Variants in IPCEF1 observed in about 807,000 individuals in gnomAD.
The protein encoded by IPCEF1 is interaction protein for cytohesin exchange factors 1, also known as interactor protein for cytohesin exchange factors 1.
IPCEF1 carries 31 observed loss-of-function variants against 50.9 expected under a neutral mutation model. The ratio of observed to expected loss-of-function variants is 0.61; its 90% CI spans 0.46 to 0.82. IPCEF1 has a LOEUF of 0.82. IPCEF1 is among the 40% of genes least tolerant of loss of function. The pLI is 0.00. For missense variants in IPCEF1, 458 were observed against 514.0 expected, an observed-to-expected ratio of 0.89 and a Z score of 1.05; for synonymous variants, 181 against 192.0, an observed-to-expected ratio of 0.94 and a Z score of 0.47.
At chr6:154,273,730 T>C (rs1562575019) in intron 2 of IPCEF1, among the ~76,000 whole-genome samples, 21 of 42,260 alleles carry the variant, frequency 5.0e-4, no homozygotes, top group African/African-American at 2.4e-3. Context: ...CTTTCTTTTT[T>C]TTTTTTTTTT....
intron 9 of IPCEF1, among the ~76,000 whole-genome samples, chr6:154,211,896 G>A (rs984290145): frequency 6.6e-6 from 1 of 152,076 alleles, no homozygotes; most frequent in African/African-American, 2.4e-5. Flanking sequence ...AGGAGGAGGA[G>A]GAAGCAGCTA....
chr6:154,233,456 C>A (rs914435152), intron 5 of IPCEF1, among the ~76,000 whole-genome samples: 4 of 151,906 alleles, frequency 2.6e-5, no homozygotes, highest in African/African-American at 9.7e-5. Flanking sequence ...CTAACATTAC[C>A]CTATGAATAT....
intron 2 of IPCEF1, among the ~76,000 whole-genome samples, chr6:154,281,184 CAAAAAAAA>C (rs35597942): frequency 9.0e-4 from 53 of 59,160 alleles, no homozygotes; most frequent in African/African-American, 2.1e-3. Context: ...TACTAAAATA[CAAAAAAAA>C]AAAAAAAAAA....
intron 9 of IPCEF1, among the ~76,000 whole-genome samples, chr6:154,202,473 A>C (rs9397695): frequency 0.77 from 116,516 of 152,156 alleles, 45,524 homozygotes; most frequent in East Asian, 0.94. Context: ...TCCATTCTGG[A>C]CCAGTCCTGA....
In IPCEF1 at chr6:154,167,954, A is replaced by C. The variant is rs571414957; in HGVS notation, c.1070T>G (p.Leu357Arg). The change falls in exon 11 of 12, where the codon CTC becomes CGC. Residue 357 changes from leucine (L) to arginine (R), a missense_variant. Leu to Arg is a moderately radical substitution (Grantham distance 102, BLOSUM62 -2). Transcript: ENST00000367220. ...GCTATTCAATGTTCGGATTTTGTGG[A>C]GTTTCTCGTTTATAGATGGATTTTT... is the stretch of plus-strand genomic sequence containing the variant. Reference protein sequence around the residue: ...RCKNPSINEKLHKIRTLNSTL... With the variant: ...RCKNPSINEKRHKIRTLNSTL... 1 of 1,600,614 alleles carries C rather than the reference A, an allele frequency of 6.2e-7. No individual in the cohort carries two copies. Among genetic ancestry groups the C allele is most frequent in the Non-Finnish European group, 8.6e-7 (1 of 1,169,556 alleles).
intron 10 of IPCEF1, among the ~76,000 whole-genome samples, chr6:154,169,841 CCAAGGAGA>C (rs1799734150): frequency 1.3e-5 from 2 of 152,192 alleles, no homozygotes; most frequent in Admixed American, 1.3e-4. Context: ...CCATTTGGGG[CCAAGGAGA>C]CTCAGTTCCA....
intron 1 of IPCEF1, among the ~76,000 whole-genome samples, chr6:154,313,081 A>C (rs909603225): frequency 1.3e-5 from 2 of 149,736 alleles, no homozygotes; most frequent in Non-Finnish European, 3.0e-5. Context: ...AAAAAAAAAA[A>C]AAAAACATGG....
chr6:154,341,760 ATGAACCTTTACAGAT>A (rs1435867678), intron 1 of IPCEF1, among the ~76,000 whole-genome samples: 1 of 152,228 alleles, frequency 6.6e-6, no homozygotes, highest in Non-Finnish European at 1.5e-5. Context: ...TAAAGTTGGA[ATGAACCTTTACAGAT>A]TGTGTGGATG....
chr6:154,255,606 T>A (rs775368315), intron 3 of IPCEF1, among the ~76,000 whole-genome samples: 29 of 152,364 alleles, frequency 1.9e-4, no homozygotes, highest in Middle Eastern at 3.4e-3. Context: ...GGTCTTCAAA[T>A]CATGCTTTTC....
chr6:154,245,271 A>T (rs1780934420), intron 5 of IPCEF1, among the ~76,000 whole-genome samples: 1 of 147,386 alleles, frequency 6.8e-6, no homozygotes, highest in Non-Finnish European at 1.5e-5. Flanking sequence ...AGTTGTTATA[A>T]CTCACCAAAT....
At chr6:154,227,240 TA>T in intron 5 of IPCEF1, among the ~76,000 whole-genome samples, 1 of 151,460 alleles carries the variant, frequency 6.6e-6, no homozygotes. Flanking sequence ...AATAAAATAA[TA>T]AAAAAATAAA....
chr6:154,314,964 T>C (rs534323471), intron 1 of IPCEF1, among the ~76,000 whole-genome samples: 202 of 150,658 alleles, frequency 1.3e-3, no homozygotes, highest in Non-Finnish European at 2.5e-3. Flanking sequence ...CACTGCAACC[T>C]CCGCCTCCCA....
chr6:154,297,332 G>C (rs769539722), intron 1 of IPCEF1, among the ~76,000 whole-genome samples: 1 of 152,056 alleles, frequency 6.6e-6, no homozygotes, highest in Non-Finnish European at 1.5e-5. Context: ...GAGCCACCGC[G>C]CCCAGCCCAA....
intron 1 of IPCEF1, among the ~76,000 whole-genome samples, chr6:154,351,968 A>T (rs1028278058): frequency 2.0e-5 from 3 of 152,036 alleles, no homozygotes; most frequent in Non-Finnish European, 4.4e-5. Context: ...AAAAACACAC[A>T]CTGAGGCCTG....
intron 7 of IPCEF1, 30 bp from the exon 8 acceptor site, chr6:154,214,306 C>G: frequency 6.6e-7 from 1 of 1,518,350 alleles, no homozygotes; most frequent in Non-Finnish European, 9.2e-7. Context: ...CAAATGTTGA[C>G]CAAAGAGATT....
At chr6:154,253,052 GC>G (rs1781375481) in intron 3 of IPCEF1, among the ~76,000 whole-genome samples, 1 of 152,052 alleles carries the variant, frequency 6.6e-6, no homozygotes, top group African/African-American at 2.4e-5. Flanking sequence ...ATTTCTTTCT[GC>G]CTTTTTTCTT....
chr6:154,294,351 A>G (rs765252148), intron 1 of IPCEF1, among the ~76,000 whole-genome samples: 42 of 152,212 alleles, frequency 2.8e-4, no homozygotes, highest in Non-Finnish European at 5.9e-4. Context: ...ACTTGAAAAT[A>G]AGTAGAAGTA....
chr6:154,194,814 A>C (rs1175514288), intron 10 of IPCEF1, among the ~76,000 whole-genome samples: 9 of 152,200 alleles, frequency 5.9e-5, no homozygotes, highest in Non-Finnish European at 1.2e-4. Context: ...CTGACACAGG[A>C]TCAGAGAAAG....
chr6:154,350,306 C>G (rs1784099529), intron 1 of IPCEF1, among the ~76,000 whole-genome samples: 1 of 152,192 alleles, frequency 6.6e-6, no homozygotes, highest in Non-Finnish European at 1.5e-5. Context: ...CAAATAGACG[C>G]TGATGTTCCA....
Sources: gnomAD v4.1 joint callset for allele counts (sites outside exome capture counted in the v4.1 genomes callset) on GRCh38, gnomAD v4.1.1 for gene constraint, MANE v1.5 for transcripts, NCBI Gene and HGNC (gene_info 2026-07-23, HGNC 2026-07-21) for gene names.